ABL2: variants seen among roughly 807,000 people sequenced by gnomAD.
ABL2 encodes tyrosine-protein kinase ABL2.
ABL2 carries 49 observed loss-of-function variants against 107.7 expected under a neutral mutation model. The ratio of observed to expected loss-of-function variants is 0.45; its 90% CI spans 0.36 to 0.58. The LOEUF is 0.58. ABL2 is among the 20% of genes least tolerant of loss of function. ABL2 has a pLI of 0.00. For missense variants in ABL2, 1,245 were observed against 1,457.0 expected (o/e 0.85, Z 2.37); for synonymous variants, 549 against 548.6 (o/e 1.00, Z -0.01).
intron 1 of ABL2, among the ~76,000 whole-genome samples, chr1:179,192,227 C>G (rs908368987): frequency 6.6e-6 from 1 of 152,162 alleles, no homozygotes; most frequent in African/African-American, 2.4e-5. Context: ...TGGCTGGCAT[C>G]TTGAGCATGC....
chr1:179,176,188 C>A (rs1248861313), intron 1 of ABL2, among the ~76,000 whole-genome samples: 1 of 151,076 alleles, frequency 6.6e-6, no homozygotes, highest in Non-Finnish European at 1.5e-5. Flanking sequence ...TCTCTACAGT[C>A]ACAAGTTCGT....
intron 1 of ABL2, among the ~76,000 whole-genome samples, chr1:179,157,566 G>T (rs1292775069): frequency 4.0e-5 from 6 of 151,768 alleles, no homozygotes; most frequent in Non-Finnish European, 7.4e-5. Flanking sequence ...TCCAAAATTC[G>T]AAACACTTTT....
intron 1 of ABL2, among the ~76,000 whole-genome samples, chr1:179,217,197 A>G (rs1485774913): frequency 1.3e-5 from 2 of 150,620 alleles, no homozygotes; most frequent in Non-Finnish European, 3.0e-5. Context: ...AGGAGGCTGA[A>G]GCAGGAAAAT....
At position 179,099,497 on chromosome 1, in the gene ABL2, A is replaced by G. The variant is rs1473458002; in HGVS notation, c.*8221T>C. The G allele has an allele frequency of 4.5e-6, 1 of 223,294 alleles. No individual in the cohort carries two copies. The highest frequency in any genetic ancestry group is 6.5e-5 in the East Asian group (1 of 15,314). The allele number at this position is 223,294 out of a possible 1,614,324, so 13.8% of individuals were successfully genotyped here. A position where few individuals can be genotyped will look rare whatever the true frequency, so the allele number is the denominator to read the frequency against. On this transcript the variant is annotated 3_prime_UTR_variant, in exon 12 of 12. Transcript: ENST00000502732. Reference sequence around the variant, plus strand: ...ACAGACGGAGAGAATTAAATTAGAAAAACAACTGAAAATATATTACAATAA... The same window carrying G: ...ACAGACGGAGAGAATTAAATTAGAAGAACAACTGAAAATATATTACAATAA...
intron 1 of ABL2, among the ~76,000 whole-genome samples, chr1:179,175,859 T>G (rs1365177095): frequency 1.3e-5 from 2 of 151,032 alleles, no homozygotes; most frequent in African/African-American, 4.9e-5. Flanking sequence ...TTTTTTTTTT[T>G]TTTTTGAGGA....
At position 179,107,412 on chromosome 1, in the gene ABL2, T is replaced by C. The variant is rs771052685; in HGVS notation, c.*306A>G. 7.7e-5 allele frequency: 28 copies of C among 364,950 alleles called. No individual in the cohort carries two copies. The highest frequency in any genetic ancestry group is 1.2e-4 in the Non-Finnish European group (25 of 204,094). The allele number at this position is 364,950 out of a possible 1,614,324, so 22.6% of individuals were successfully genotyped here. Reference sequence around the variant, plus strand: ...CAGCCCTGCCTAGCACTTCCCAGCATTCCAGGTAGGGATGGGCTGCATTGC... The same window carrying C: ...CAGCCCTGCCTAGCACTTCCCAGCACTCCAGGTAGGGATGGGCTGCATTGC... On this transcript the variant is annotated 3_prime_UTR_variant, in exon 12 of 12. Transcript: ENST00000502732.
intron 1 of ABL2, among the ~76,000 whole-genome samples, chr1:179,138,270 A>AATT (rs1557946292): frequency 6.6e-6 from 1 of 152,044 alleles, no homozygotes; most frequent in Non-Finnish European, 1.5e-5. Context: ...GATATTGTTT[A>AATT]ATTATTATTA....
chr1:179,121,733 C>T lies in ABL2; in HGVS notation c.822G>A (p.Val274=), dbSNP rs927603543. Residue 274 remains valine (V), a synonymous_variant, in exon 5 of 12, where the codon GTG becomes GTA. Coordinates refer to ENST00000502732, the MANE Select transcript of ABL2 (RefSeq NM_007314.4). ...TTTCCCATTTGTCGTGGATGGGGGACACACCATAGACTGTAGGCTTATTAC... is the reference window on the plus strand; with the variant it reads ...TTTCCCATTTGTCGTGGATGGGGGATACACCATAGACTGTAGGCTTATTAC... ...PKCNKPTVYG[V]SPIHDKWEME... 2 of 1,613,914 alleles carry T rather than the reference C, an allele frequency of 1.2e-6. No homozygotes were observed. Among genetic ancestry groups the T allele is most frequent in the Non-Finnish European group, 1.7e-6 (2 of 1,180,024 alleles).
chr1:179,171,784 T>TA (rs1265816863), intron 1 of ABL2, among the ~76,000 whole-genome samples: 9 of 152,226 alleles, frequency 5.9e-5, no homozygotes, highest in African/African-American at 2.2e-4. Flanking sequence ...GTGCTGGGAT[T>TA]ACAGACATGA....
At chr1:179,175,319 A>G (rs960741344) in intron 1 of ABL2, among the ~76,000 whole-genome samples, 1 of 152,188 alleles carries the variant, frequency 6.6e-6, no homozygotes, top group Non-Finnish European at 1.5e-5. Context: ...GAAAATAAAG[A>G]GAGGCAAGAT....
chr1:179,177,836 A>G (rs1660136725), intron 1 of ABL2, among the ~76,000 whole-genome samples: 1 of 152,202 alleles, frequency 6.6e-6, no homozygotes, highest in Non-Finnish European at 1.5e-5. Context: ...AAAAATTGCT[A>G]TTAAAATTTC....
At chr1:179,110,764 T>C in intron 10 of ABL2, 16 of 1,613,966 alleles carry the variant, frequency 9.9e-6, no homozygotes, top group Non-Finnish European at 1.4e-5. Context: ...GGAGTTACTA[T>C]GAATACGTTG....
At chr1:179,110,193 G>A (rs1304751333) in intron 11 of ABL2, 89 bp downstream of exon 11, 3 of 1,463,822 alleles carry the variant, frequency 2.0e-6, no homozygotes, top group Admixed American at 1.8e-5. Context: ...GGGAGGACGG[G>A]CATGAAAGTG....
In ABL2 at chr1:179,109,341, T is replaced by C. The variant is rs144233543; in HGVS notation, c.1926A>G (p.Thr642=). The C allele has an allele frequency of 5.8e-5, 93 of 1,614,150 alleles. No homozygotes were observed. The African/African-American group carries it at 1.1e-3, about 18-fold the overall frequency. Reference sequence around the variant, plus strand: ...CCCCCTTCCTATCCCTGGTGAAGCATGTCTCTTTGGCATCTTCCAAGAGGC... The same window carrying C: ...CCCCCTTCCTATCCCTGGTGAAGCACGTCTCTTTGGCATCTTCCAAGAGGC... ...PSSLLEDAKE[T]CFTRDRKGGF... is the part of the protein sequence containing the mutation. Residue 642 remains threonine, a synonymous_variant, in exon 12 of 12, where the codon ACA becomes ACG. Transcript: ENST00000502732.
intron 1 of ABL2, among the ~76,000 whole-genome samples, chr1:179,134,778 G>A (rs1020654399): frequency 2.0e-5 from 3 of 151,728 alleles, no homozygotes; most frequent in Admixed American, 6.6e-5. Context: ...CTCTGATGCC[G>A]AGCTGAAGCT....
intron 3 of ABL2, among the ~76,000 whole-genome samples, chr1:179,127,530 T>C (rs371957527): frequency 6.6e-6 from 1 of 152,216 alleles, no homozygotes; most frequent in African/African-American, 2.4e-5. Context: ...CTTCAACATA[T>C]AACTTGCCCC....
intron 1 of ABL2, among the ~76,000 whole-genome samples, chr1:179,174,901 AAAAAAAATAAAAT>A (rs1231438518): frequency 5.9e-4 from 68 of 114,638 alleles, no homozygotes; most frequent in African/African-American, 1.7e-3. Context: ...GTCTCAAAAA[AAAAAAAATAAAAT>A]AAAAAAAATA....
In ABL2 at chr1:179,110,979, GCT is replaced by G. The variant is rs1491267561; in HGVS notation, c.1652-526_1652-525del. The G allele has an allele frequency of 7.5e-5, 80 of 1,067,538 alleles. No homozygotes were observed. In the East Asian group the frequency reaches 1.6e-3, roughly 21 times the overall value. The allele number at this position is 1,067,538 out of a possible 1,614,324, so 66.1% of individuals were successfully genotyped here. A position where few individuals can be genotyped will look rare whatever the true frequency, so the allele number is the denominator to read the frequency against. On this transcript the variant is annotated intron_variant, in intron 10 of 11. Coordinates refer to ENST00000502732, the MANE Select transcript of ABL2 (RefSeq NM_007314.4). ...CTAAAATTTGATGTTATTATTTTTG[GCT>G]TTTTTTTTTTTTTTTTTTTGCAGAT... is the stretch of plus-strand genomic sequence containing the variant.
intron 1 of ABL2, among the ~76,000 whole-genome samples, chr1:179,192,423 C>T (rs1041941914): frequency 2.0e-4 from 31 of 152,184 alleles, no homozygotes; most frequent in African/African-American, 6.8e-4. Context: ...CACTCAAGCT[C>T]GAATTACAAC....
Sources: allele counts gnomAD v4.1 joint callset (sites outside exome capture counted in the v4.1 genomes callset), GRCh38; gene constraint gnomAD v4.1.1; transcripts MANE v1.5; gene names NCBI Gene and HGNC (gene_info 2026-07-23, HGNC 2026-07-21).